The following TMEM131L variants were observed in gnomAD, a reference collection of about 807,000 sequenced individuals.
The protein encoded by TMEM131L is transmembrane protein 131-like.
Under a neutral mutation model 192.2 loss-of-function variants are expected in TMEM131L, and 54 were observed. The ratio of observed to expected loss-of-function variants is 0.28; its 90% CI spans 0.23 to 0.35. TMEM131L has a LOEUF of 0.35. Ranked by LOEUF, TMEM131L falls within the 10% of genes least tolerant of loss-of-function variation. TMEM131L has a pLI of 1.00. For missense variants in TMEM131L, 1,888 were observed against 1,972.9 expected (o/e 0.96, Z 0.82); for synonymous variants, 701 against 704.9 (o/e 0.99, Z 0.09).
chr4:153,506,815 C>CCTGG lies in TMEM131L; in HGVS notation c.239+32928_239+32931dup, dbSNP rs536775225. Among the ~76,000 whole-genome samples, 33 of 146,196 alleles carry CCTGG rather than the reference C, an allele frequency of 2.3e-4. No homozygotes were observed. In the South Asian group the frequency reaches 7.1e-3, roughly 31 times the overall value. ...CCGAGATTGCGCCATTGCACTCCAG[C>CCTGG]CTGGGTGACAGAGTGAGACTCTGTA... On this transcript the variant is annotated intron_variant, in intron 3 of 34. Coordinates refer to ENST00000409959, the MANE Select transcript of TMEM131L (RefSeq NM_001131007.2).
At chr4:153,635,666 G>A in intron 34 of TMEM131L, 95 bp downstream of exon 34, 1 of 1,416,606 alleles carries the variant, frequency 7.1e-7, no homozygotes, top group Non-Finnish European at 9.6e-7. Context: ...TTTAGCGTTG[G>A]GTTTGGACCA....
At chr4:153,525,333 T>G (rs868755473) in intron 3 of TMEM131L, among the ~76,000 whole-genome samples, 19 of 152,176 alleles carry the variant, frequency 1.2e-4, no homozygotes, top group African/African-American at 4.1e-4. Context: ...AAGTAAATCC[T>G]TTTCCTTTCA....
chr4:153,514,030 G>C (rs1734539569), intron 3 of TMEM131L, among the ~76,000 whole-genome samples: 1 of 152,044 alleles, frequency 6.6e-6, no homozygotes, highest in Non-Finnish European at 1.5e-5. Context: ...GATTTTAAGT[G>C]GATTCCTTTG....
chr4:153,584,942 T>C lies in TMEM131L; in HGVS notation c.1157+11T>C. ...TTCTGTGGCTCAGGGGTAGGTTACT[T>C]CCACTTTCCCTGAAATCTTGTATGG... On this transcript the variant is annotated intron_variant, in intron 12 of 34. Coordinates refer to ENST00000409959, the MANE Select transcript of TMEM131L (RefSeq NM_001131007.2). 1 of 1,584,292 alleles carries C rather than the reference T, an allele frequency of 6.3e-7. No individual in the cohort carries two copies. Among genetic ancestry groups the C allele is most frequent in the East Asian group, 2.2e-5 (1 of 44,738 alleles).
In TMEM131L at chr4:153,627,660, G is replaced by A. The variant is rs771248242; in HGVS notation, c.4180G>A (p.Gly1394Arg). ...AEPSCPSLPA[G>R]PTGVEEDKGL... ...GCCTTCCTGTCCCAGCCTTCCTGCC[G>A]GGCCCACAGGTGTTGAAGAAGATAA... The change falls in exon 31 of 35, where the codon GGG becomes AGG. Residue 1394 changes from glycine (G) to arginine (R), a missense_variant. Physicochemically the swap from Gly to Arg is moderately radical, Grantham distance 125. Transcript: ENST00000409959. The A allele has an allele frequency of 1.3e-5, 21 of 1,613,852 alleles. No homozygotes were observed. The highest frequency in any genetic ancestry group is 8.8e-5 in the South Asian group (8 of 91,076).
At chr4:153,541,516 G>A (rs1224282733) in intron 3 of TMEM131L, among the ~76,000 whole-genome samples, 1 of 152,182 alleles carries the variant, frequency 6.6e-6, no homozygotes, top group Non-Finnish European at 1.5e-5. Flanking sequence ...GCTGAGGGGC[G>A]TTGCAAGCAA....
chr4:153,511,161 A>G (rs1490489549), intron 3 of TMEM131L, among the ~76,000 whole-genome samples: 2 of 152,236 alleles, frequency 1.3e-5, no homozygotes, highest in South Asian at 2.1e-4. Context: ...AAGTTGTTCT[A>G]TCATAAAGAC....
At chr4:153,628,187 C>A (rs1016421699) in intron 31 of TMEM131L, among the ~76,000 whole-genome samples, 3 of 152,226 alleles carry the variant, frequency 2.0e-5, no homozygotes, top group African/African-American at 7.2e-5. Flanking sequence ...CCTTGGGGAC[C>A]CGCCTTGCTC....
At chr4:153,583,292 T>C (rs1392197179) in intron 10 of TMEM131L, 44 bp downstream of exon 10, 1 of 996,076 alleles carries the variant, frequency 1.0e-6, no homozygotes, top group East Asian at 2.4e-5. Flanking sequence ...AAATTGCAAG[T>C]GTGCATTTAA....
intron 7 of TMEM131L, among the ~76,000 whole-genome samples, chr4:153,570,184 A>G (rs915683831): frequency 6.6e-6 from 1 of 152,158 alleles, no homozygotes; most frequent in Non-Finnish European, 1.5e-5. Context: ...TGAATCTGCA[A>G]TCTTAATGAA....
At chr4:153,521,968 C>T (rs1735150303) in intron 3 of TMEM131L, among the ~76,000 whole-genome samples, 1 of 150,964 alleles carries the variant, frequency 6.6e-6, no homozygotes, top group Non-Finnish European at 1.5e-5. Flanking sequence ...TTACATTATT[C>T]CCCTACCCAA....
chr4:153,628,069 G>A (rs2126845307), intron 31 of TMEM131L, among the ~76,000 whole-genome samples: 1 of 152,338 alleles, frequency 6.6e-6, no homozygotes, highest in East Asian at 1.9e-4. Context: ...TGGGGAGTGT[G>A]CCTAGGCTGA....
At chr4:153,599,653 A>T (rs560963792) in intron 21 of TMEM131L, among the ~76,000 whole-genome samples, 14 of 152,258 alleles carry the variant, frequency 9.2e-5, no homozygotes, top group Non-Finnish European at 1.9e-4. Flanking sequence ...CACTGAAATG[A>T]TGACTGGAGA....
At position 153,599,992 on chromosome 4, in the gene TMEM131L, C is replaced by T. The variant is rs188100930; in HGVS notation, c.2266+1260C>T. ...GGCGGAGGTTGCAGTGAGCCAAGAT[C>T]GTGCCGGTGTACTCCAGCCTGGACG... is the stretch of plus-strand genomic sequence containing the variant. On this transcript the variant is annotated intron_variant, in intron 21 of 34. Transcript: ENST00000409959. Among the ~76,000 whole-genome samples, 115 of 152,220 alleles carry T rather than the reference C, an allele frequency of 7.6e-4. 1 individual carries two copies. The highest frequency in any genetic ancestry group is 2.6e-3 in the African/African-American group (107 of 41,552).
At chr4:153,477,294 G>C (rs1009994435) in intron 3 of TMEM131L, among the ~76,000 whole-genome samples, 1 of 152,160 alleles carries the variant, frequency 6.6e-6, no homozygotes, top group African/African-American at 2.4e-5. Context: ...CGTCTACAGG[G>C]AGATGGCAGG....
chr4:153,584,195 T>C (rs927350597), intron 11 of TMEM131L, among the ~76,000 whole-genome samples: 8 of 152,052 alleles, frequency 5.3e-5, no homozygotes, highest in African/African-American at 1.9e-4. Flanking sequence ...TGTGTACATT[T>C]AATTTTTTTT....
chr4:153,591,179 C>T lies in TMEM131L; in HGVS notation c.1797C>T (p.Ala599=), dbSNP rs369247363. The T allele has an allele frequency of 8.7e-6, 14 of 1,604,884 alleles. No homozygotes were observed. Among genetic ancestry groups the T allele is most frequent in the Admixed American group, 1.7e-5 (1 of 59,216 alleles). The change falls in exon 17 of 35, where the codon GCC becomes GCT. Residue 599 remains alanine (A), a synonymous_variant. Coordinates refer to ENST00000409959, the MANE Select transcript of TMEM131L (RefSeq NM_001131007.2). ...TCATGTTAAACTTCAGCGCAACTGC[C>T]CTTAGGAGCAGGATGGTGAGGACAG... is the stretch of plus-strand genomic sequence containing the variant. ...PGLMLNFSAT[A]LRSRMIKYFV... is the part of the protein sequence containing the mutation.
chr4:153,581,124 G>C (rs1021903489), intron 8 of TMEM131L, among the ~76,000 whole-genome samples: 2 of 152,180 alleles, frequency 1.3e-5, no homozygotes, highest in South Asian at 2.1e-4. Context: ...CGTGCTGGCG[G>C]GTGCCCGTAG....
At chr4:153,626,072 T>G in intron 29 of TMEM131L, 75 bp from the exon 30 acceptor site, 1 of 862,910 alleles carries the variant, frequency 1.2e-6, no homozygotes, top group South Asian at 1.4e-5. Flanking sequence ...ATTAATAACC[T>G]ATGCATTTTA....
Sources: allele counts gnomAD v4.1 joint callset (sites outside exome capture counted in the v4.1 genomes callset), GRCh38; gene constraint gnomAD v4.1.1; transcripts MANE v1.5; gene names NCBI Gene and HGNC (gene_info 2026-07-23, HGNC 2026-07-21).